The following ABCC9 variants were observed in gnomAD, a reference collection of about 807,000 sequenced individuals.
ABCC9 encodes the protein ATP-binding cassette sub-family C member 9.
A neutral mutation model predicts 188.3 loss-of-function variants in ABCC9; 95 were observed. That is an observed-to-expected ratio of 0.50 (90% CI 0.43 to 0.60). The LOEUF is 0.60. Ranked by LOEUF, ABCC9 falls within the 20% of genes least tolerant of loss-of-function variation. The probability of loss-of-function intolerance (pLI) is 0.00; values close to 1 mark genes in which losing one functional copy is unlikely to be tolerated. For missense variants in ABCC9, 1,102 were observed against 1,876.3 expected (o/e 0.59, Z 7.62); for synonymous variants, 659 against 652.7 (o/e 1.01, Z -0.15).
At chr12:21,906,683 C>G (rs4148660) in intron 11 of ABCC9, among the ~76,000 whole-genome samples, 52,977 of 151,868 alleles carry the variant, frequency 0.35, 9,604 homozygotes, top group Admixed American at 0.39. Context: ...CTCTATCACT[C>G]ATACTTACAA....
chr12:21,920,812 T>C (rs1346197929), intron 5 of ABCC9, among the ~76,000 whole-genome samples: 1 of 152,042 alleles, frequency 6.6e-6, no homozygotes, highest in African/African-American at 2.4e-5. Context: ...TAAGCGAGAA[T>C]ATGAGATGTC....
At chr12:21,898,235 A>C (rs1261993031) in intron 12 of ABCC9, among the ~76,000 whole-genome samples, 1 of 152,040 alleles carries the variant, frequency 6.6e-6, no homozygotes, top group Admixed American at 6.6e-5. Context: ...TATATGAAAA[A>C]CCACTTATGG....
chr12:21,911,515 C>T (rs1358456537), intron 8 of ABCC9, among the ~76,000 whole-genome samples: 1 of 151,878 alleles, frequency 6.6e-6, no homozygotes, highest in African/African-American at 2.4e-5. Flanking sequence ...ACATAACTTA[C>T]AAAATTTTGT....
intron 15 of ABCC9, among the ~76,000 whole-genome samples, chr12:21,884,689 A>G (rs1336641991): frequency 1.3e-5 from 2 of 152,120 alleles, no homozygotes; most frequent in Non-Finnish European, 2.9e-5. Context: ...CTACATGCAA[A>G]TAAATACACA....
intron 16 of ABCC9, among the ~76,000 whole-genome samples, chr12:21,881,697 C>T (rs1946624436): frequency 9.0e-6 from 1 of 110,582 alleles, no homozygotes; most frequent in Non-Finnish European, 1.9e-5. Context: ...ATTATAATCG[C>T]CTAGGGAACA....
chr12:21,803,656 C>CA (rs3061809), intron 39 of ABCC9, among the ~76,000 whole-genome samples: 4,403 of 84,094 alleles, frequency 0.052, 147 homozygotes, highest in Admixed American at 0.12. Context: ...ACTCTGTCTC[C>CA]AAAAAAAAAA....
chr12:21,907,942 T>G, intron 11 of ABCC9, 135 bp downstream of exon 11: 1 of 1,048,348 alleles, frequency 9.5e-7, no homozygotes, highest in Non-Finnish European at 1.4e-6. Context: ...AAAATACACA[T>G]TTGCTGCTGA....
Position 21,859,021 on chromosome 12 carries a change from T to A in ABCC9, c.2505+565A>T, listed in dbSNP as rs531834710. Among the ~76,000 whole-genome samples, 5 of 152,228 alleles carry A rather than the reference T, an allele frequency of 3.3e-5. 1 individual carries two copies. The highest frequency in any genetic ancestry group is 3.3e-4 in the Admixed American group (5 of 15,274). On this transcript the variant is annotated intron_variant, in intron 22 of 39. Transcript: ENST00000261200. ...TCTAGATCCACAGCTAGAAGTAAATTATTAGTCCAAGATGGATATCACGAA... is the reference window on the plus strand; with the variant it reads ...TCTAGATCCACAGCTAGAAGTAAATAATTAGTCCAAGATGGATATCACGAA...
intron 12 of ABCC9, among the ~76,000 whole-genome samples, chr12:21,900,227 A>G (rs1487732572): frequency 1.3e-5 from 2 of 152,244 alleles, no homozygotes; most frequent in African/African-American, 4.8e-5. Flanking sequence ...ATCAAACTCC[A>G]GCAGACCTGC....
chr12:21,893,850 T>G (rs1180887553), intron 14 of ABCC9, among the ~76,000 whole-genome samples, 182 bp downstream of exon 14: 2 of 152,214 alleles, frequency 1.3e-5, no homozygotes, highest in Non-Finnish European at 2.9e-5. Flanking sequence ...AATTTTTGTT[T>G]TGAAAAATTA....
intron 10 of ABCC9, 23 bp downstream of exon 10, chr12:21,910,134 C>A: frequency 6.3e-7 from 1 of 1,598,154 alleles, no homozygotes; most frequent in Non-Finnish European, 8.6e-7. Flanking sequence ...AGACAAAAAT[C>A]TTACTTATAT....
At chr12:21,852,280 C>A in intron 23 of ABCC9, 58 bp from the exon 24 acceptor site, 1 of 1,613,286 alleles carries the variant, frequency 6.2e-7, no homozygotes, top group Non-Finnish European at 8.5e-7. Context: ...GCAAAATGAA[C>A]TACCTTTATT....
chr12:21,882,680 A>C (rs995210651), intron 16 of ABCC9, 86 bp downstream of exon 16: 1 of 1,221,932 alleles, frequency 8.2e-7, no homozygotes, highest in African/African-American at 1.5e-5. Context: ...TTAAAGGCAC[A>C]ATTTGGGACA....
intron 24 of ABCC9, among the ~76,000 whole-genome samples, chr12:21,849,566 G>A (rs1478527995): frequency 6.6e-6 from 1 of 152,024 alleles, no homozygotes; most frequent in Non-Finnish European, 1.5e-5. Context: ...TCCCCATGCT[G>A]TGACCAAAAG....
chr12:21,908,061 A>C lies in ABCC9; in HGVS notation c.1455+16T>G. 6.2e-7 allele frequency: 1 copy of C among 1,611,454 alleles called. No individual in the cohort carries two copies. ...TTCTCATTTTTGTAATTAAGTTTCC[A>C]AAAGATGTTACTTACAAGTGTACTT... On this transcript the variant is annotated intron_variant, in intron 11 of 39. Coordinates refer to ENST00000261200, the MANE Select transcript of ABCC9 (RefSeq NM_020297.4).
chr12:21,813,741 CCTGAAT>C, intron 35 of ABCC9, among the ~76,000 whole-genome samples: 1 of 152,104 alleles, frequency 6.6e-6, no homozygotes. Context: ...TTACCTTGTT[CCTGAAT>C]CTGAACCCCA....
chr12:21,820,883 T>C (rs200165383), intron 31 of ABCC9, among the ~76,000 whole-genome samples: 2 of 152,286 alleles, frequency 1.3e-5, no homozygotes, highest in East Asian at 3.9e-4. Flanking sequence ...TATGAAATTA[T>C]CTTATTTGCT....
At chr12:21,925,244 C>T (rs2137993288) in intron 5 of ABCC9, 1 of 430,274 alleles carries the variant, frequency 2.3e-6, no homozygotes, top group Non-Finnish European at 4.2e-6. Context: ...GAGTATTGAA[C>T]ATAACTCATA....
In ABCC9 at chr12:21,799,611, C is replaced by T. The variant is rs1249991117; in HGVS notation, c.*1433G>A. The T allele has an allele frequency of 6.6e-6, 1 of 152,164 alleles. No homozygotes were observed. Among genetic ancestry groups the T allele is most frequent in the Non-Finnish European group, 1.5e-5 (1 of 68,020 alleles). 9.4% of individuals were successfully genotyped at this position (152,164 alleles called of 1,614,324 possible). ...AAGATTAAATATTCAGGTGAAGACACATATTCTGGATACACAACTATTACA... is the reference window on the plus strand; with the variant it reads ...AAGATTAAATATTCAGGTGAAGACATATATTCTGGATACACAACTATTACA... On this transcript the variant is annotated 3_prime_UTR_variant, in exon 40 of 40. Transcript: ENST00000261200.
Sources: gnomAD v4.1 joint callset for allele counts (sites outside exome capture counted in the v4.1 genomes callset) on GRCh38, gnomAD v4.1.1 for gene constraint, MANE v1.5 for transcripts, NCBI Gene and HGNC (gene_info 2026-07-23, HGNC 2026-07-21) for gene names.